Variants in COLQ observed in about 807,000 individuals in gnomAD.
The protein encoded by COLQ is collagen like tail subunit of asymmetric acetylcholinesterase, also known as acetylcholinesterase collagenic tail peptide.
In COLQ, 48 loss-of-function variants were observed where a neutral mutation model predicts 69.0. The ratio of observed to expected loss-of-function variants is 0.70; its 90% confidence interval spans 0.55 to 0.88. The LOEUF (loss-of-function observed/expected upper bound fraction) is 0.88, where lower values mean the gene tolerates loss of function less well. COLQ is among the 40% of genes least tolerant of loss of function. The pLI, the probability that COLQ is intolerant of heterozygous loss-of-function variation, is 0.00. For missense variants in COLQ, 618 were observed against 594.6 expected (o/e 1.04, Z -0.41); for synonymous variants, 217 against 211.2 (o/e 1.03, Z -0.24).
chr3:15,515,216 C>A (rs1008226922), intron 1 of COLQ, among the ~76,000 whole-genome samples: 4 of 152,194 alleles, frequency 2.6e-5, no homozygotes, highest in African/African-American at 9.7e-5. Flanking sequence ...ATAGTTGGCA[C>A]TCATGAAATG....
Position 15,475,473 on chromosome 3 carries a change from G to A in COLQ, c.480C>T (p.Asp160=). 1 of 1,600,356 alleles carries A rather than the reference G, an allele frequency of 6.2e-7. No homozygotes were observed. The highest frequency in any genetic ancestry group is 8.5e-7 in the Non-Finnish European group (1 of 1,172,560). The change falls in exon 7 of 17, where the codon GAC becomes GAT. Residue 160 remains aspartate, a synonymous_variant. Transcript: ENST00000383788. The part of the protein sequence containing the change: ...GPEGPRGEKG[D]LGMMGLPGSR... ...ACCCTGGCAAGCCCATCATACCCAG[G>A]TCACCTTTTTCACCCTGTGGGAATT...
chr3:15,490,103 C>G lies in COLQ; in HGVS notation c.107-466G>C, dbSNP rs976437930. On this transcript the variant is annotated intron_variant, in intron 1 of 16. Transcript: ENST00000383788. ...ACACCCAGACCCATGATTTAAAACA[C>G]ATACATTGACTCTAGACTTTACAAA... Among the ~76,000 whole-genome samples the G allele has an allele frequency of 2.6e-5, 4 of 152,212 alleles. No homozygotes were observed. The South Asian group carries it at 8.3e-4, about 32-fold the overall frequency.
intron 1 of COLQ, among the ~76,000 whole-genome samples, chr3:15,501,134 C>T (rs2062823750): frequency 6.6e-6 from 1 of 152,218 alleles, no homozygotes; most frequent in South Asian, 2.1e-4. Flanking sequence ...CAAGAGCTGC[C>T]TGTAAAATCT....
At chr3:15,520,790 A>G (rs886337353) in intron 1 of COLQ, among the ~76,000 whole-genome samples, 1 of 152,202 alleles carries the variant, frequency 6.6e-6, no homozygotes, top group Non-Finnish European at 1.5e-5. Flanking sequence ...GCTGGCAGAC[A>G]CAGCCCCTTC....
chr3:15,479,115 C>G, intron 4 of COLQ, 112 bp from the exon 5 acceptor site: 1 of 1,378,012 alleles, frequency 7.3e-7, no homozygotes, highest in South Asian at 1.2e-5. Context: ...AGTTGCTTGG[C>G]TGCTGCTCAC....
At chr3:15,470,664 T>A in intron 10 of COLQ, 48 bp from the exon 11 acceptor site, 2 of 1,526,424 alleles carry the variant, frequency 1.3e-6, no homozygotes, top group Non-Finnish European at 1.8e-6. Context: ...GCATGTGGAG[T>A]GGGCACATCT....
chr3:15,474,726 C>T (rs965005728), intron 8 of COLQ, among the ~76,000 whole-genome samples, 199 bp downstream of exon 8: 3 of 152,226 alleles, frequency 2.0e-5, no homozygotes, highest in Non-Finnish European at 4.4e-5. Flanking sequence ...TATGGGGAGC[C>T]CTTCTCTTAC....
At chr3:15,453,144 G>A (rs2061973033) in intron 16 of COLQ, among the ~76,000 whole-genome samples, 1 of 152,218 alleles carries the variant, frequency 6.6e-6, no homozygotes, top group African/African-American at 2.4e-5. Context: ...AAGGAGCCCA[G>A]TGGTTACAAT....
intron 1 of COLQ, among the ~76,000 whole-genome samples, chr3:15,497,516 A>C (rs1417737450): frequency 6.6e-6 from 1 of 152,076 alleles, no homozygotes; most frequent in Non-Finnish European, 1.5e-5. Flanking sequence ...AATCCAACAA[A>C]TGTGTCATTA....
intron 1 of COLQ, chr3:15,498,931 T>TCAGC: frequency 8.9e-7 from 1 of 1,119,962 alleles, no homozygotes; most frequent in East Asian, 6.0e-5. Context: ...TTGAGAGCAA[T>TCAGC]CAAACAGGCT....
chr3:15,476,447 T>G (rs1293935274), intron 6 of COLQ, among the ~76,000 whole-genome samples: 1 of 152,246 alleles, frequency 6.6e-6, no homozygotes, highest in African/African-American at 2.4e-5. Flanking sequence ...CAGAGGATTT[T>G]TAAAATATCC....
chr3:15,470,418 G>T, intron 11 of COLQ, 118 bp downstream of exon 11: 1 of 904,362 alleles, frequency 1.1e-6, no homozygotes, highest in South Asian at 1.3e-5. Context: ...TAGCCCAGAG[G>T]ATGCTGGAGT....
chr3:15,498,626 TA>T (rs2062786348), intron 1 of COLQ: 5 of 1,551,484 alleles, frequency 3.2e-6, no homozygotes, highest in Non-Finnish European at 2.6e-6. Flanking sequence ...CAGGGAACAC[TA>T]GCCGGAGACA....
chr3:15,478,872 C>T (rs1468892343), intron 5 of COLQ, 105 bp downstream of exon 5: 2 of 1,346,834 alleles, frequency 1.5e-6, no homozygotes, highest in East Asian at 2.3e-5. Flanking sequence ...ACCTGGGTAT[C>T]AGTGACCACT....
At position 15,521,528 on chromosome 3, in the gene COLQ, A is replaced by G. The variant is rs1665825382; in HGVS notation, c.98T>C (p.Ile33Thr). The G allele has an allele frequency of 1.9e-6, 3 of 1,614,040 alleles. No individual in the cohort carries two copies. Among genetic ancestry groups the G allele is most frequent in the Non-Finnish European group, 2.5e-6 (3 of 1,180,042 alleles). Residue 33 changes from isoleucine to threonine, a missense_variant, in exon 1 of 17, where the codon ATC becomes ACC. Transcript: ENST00000383788. ...TTGTGGCCATCATTTACCTGCTGAG[A>G]TTGGAAGAACGCTGTTGATGAAAGT... ...QPTFINSVLP[I>T]SAALPSLDQK...
At chr3:15,479,470 G>T (rs1396189834) in intron 3 of COLQ, 88 bp from the exon 4 acceptor site, 1 of 1,266,804 alleles carries the variant, frequency 7.9e-7, no homozygotes. Context: ...GGCTCCTACA[G>T]CAGCAACATC....
In COLQ at chr3:15,499,330, T is replaced by A. The variant is rs1369606704; in HGVS notation, c.107-9693A>T. On this transcript the variant is annotated intron_variant, in intron 1 of 16. Coordinates refer to ENST00000383788, the MANE Select transcript of COLQ (RefSeq NM_005677.4). ...TTTTAGATTATAAAAGACAAGATTA[T>A]TATTATACTACTTAGCAATAAGCAC... Among the ~76,000 whole-genome samples the A allele has an allele frequency of 7.2e-5, 11 of 152,360 alleles. No homozygotes were observed. In the East Asian group the frequency reaches 1.9e-3, roughly 27 times the overall value.
intron 12 of COLQ, among the ~76,000 whole-genome samples, chr3:15,461,814 A>AACC (rs2062118616): frequency 1.3e-5 from 2 of 152,046 alleles, no homozygotes; most frequent in South Asian, 4.1e-4. Context: ...TGGCGCTGGG[A>AACC]CAGGGGTTCT....
At chr3:15,465,276 ATTT>A (rs1479758330) in intron 12 of COLQ, among the ~76,000 whole-genome samples, 1 of 143,872 alleles carries the variant, frequency 7.0e-6, no homozygotes, top group Non-Finnish European at 1.5e-5. Context: ...TTATTTATTT[ATTT>A]ATTTTGAGAT....
Sources: allele counts gnomAD v4.1 joint callset (sites outside exome capture counted in the v4.1 genomes callset), GRCh38; gene constraint gnomAD v4.1.1; transcripts MANE v1.5; gene names NCBI Gene and HGNC (gene_info 2026-07-23, HGNC 2026-07-21).